Variants in LOC400499 observed in about 807,000 individuals in gnomAD.
the LOC400499 span, chr16:11,442,665 G>A: frequency 1.3e-5 from 2 of 152,310 alleles, no homozygotes; most frequent in South Asian, 2.1e-4. Context: ...ATAAACACTG[G>A]AAATCTGGGT....
chr16:11,484,806 G>A, the LOC400499 span: 2 of 398,088 alleles, frequency 5.0e-6, no homozygotes, highest in Admixed American at 4.4e-5. Context: ...CCAAGTCTCA[G>A]GTTCAAAAGT....
the LOC400499 span, among the ~76,000 whole-genome samples, chr16:11,382,749 G>T: frequency 1.3e-5 from 2 of 152,150 alleles, no homozygotes; most frequent in Non-Finnish European, 2.9e-5. Flanking sequence ...GGTGGAAGTT[G>T]CAGTGAGCCG....
the LOC400499 span, chr16:11,484,961 G>C: frequency 2.5e-6 from 1 of 399,330 alleles, no homozygotes. Context: ...CCCTGGTTCT[G>C]GCCCTGGGGG....
At chr16:11,470,269 T>C in the LOC400499 span, among the ~76,000 whole-genome samples, 1 of 152,116 alleles carries the variant, frequency 6.6e-6, no homozygotes, top group Non-Finnish European at 1.5e-5. Context: ...AGCTCTGCAC[T>C]TCCTGGCTGT....
chr16:11,409,558 A>C, the LOC400499 span, among the ~76,000 whole-genome samples: 1 of 152,246 alleles, frequency 6.6e-6, no homozygotes, highest in Non-Finnish European at 1.5e-5. Context: ...CTAGATTAAG[A>C]AAATTAAAAA....
the LOC400499 span, chr16:11,471,782 C>G: frequency 2.5e-6 from 1 of 399,044 alleles, no homozygotes; most frequent in Non-Finnish European, 4.4e-6. Flanking sequence ...GGCCAGGTCA[C>G]TCCAGTGCAC....
At chr16:11,374,374 C>G in the LOC400499 span, among the ~76,000 whole-genome samples, 2 of 152,126 alleles carry the variant, frequency 1.3e-5, no homozygotes, top group Admixed American at 6.6e-5. Context: ...TTACCATAAC[C>G]ATTTTAAAGT....
chr16:11,469,164 G>A, the LOC400499 span: 15 of 399,498 alleles, frequency 3.8e-5, no homozygotes, highest in African/African-American at 2.7e-4. Context: ...GGCCTAGGGT[G>A]TGGAGCAAAC....
At chr16:11,413,144 G>C in the LOC400499 span, among the ~76,000 whole-genome samples, 1 of 152,122 alleles carries the variant, frequency 6.6e-6, no homozygotes, top group Admixed American at 6.5e-5. Context: ...TTGCAGCTCA[G>C]GTTGGCAGTG....
At chr16:11,473,324 C>G in the LOC400499 span, 1 of 150,144 alleles carries the variant, frequency 6.7e-6, no homozygotes, top group Admixed American at 6.6e-5. Context: ...TTAAATAGAG[C>G]CCTCCCCAAC....
the LOC400499 span, chr16:11,448,158 C>T: frequency 7.0e-7 from 1 of 1,437,826 alleles, no homozygotes; most frequent in South Asian, 1.4e-5. Context: ...AGAGGTAGCC[C>T]CCCACAACCT....
At chr16:11,519,960 C>T in the LOC400499 span, among the ~76,000 whole-genome samples, 1 of 152,108 alleles carries the variant, frequency 6.6e-6, no homozygotes, top group African/African-American at 2.4e-5. Context: ...GCCTCGGCCT[C>T]CCAATGAGCT....
chr16:11,383,694 G>A, the LOC400499 span: 2 of 1,232,478 alleles, frequency 1.6e-6, no homozygotes, highest in East Asian at 6.3e-5. Flanking sequence ...ACAGGTGGAT[G>A]TAGGCGGCCG....
the LOC400499 span, chr16:11,457,154 G>A: frequency 8.1e-6 from 8 of 982,478 alleles, no homozygotes; most frequent in South Asian, 3.5e-5. Flanking sequence ...CACTCCACAC[G>A]GGCAACGGGA....
chr16:11,434,757 G>C, the LOC400499 span, among the ~76,000 whole-genome samples: 1 of 152,306 alleles, frequency 6.6e-6, no homozygotes, highest in East Asian at 1.9e-4. Flanking sequence ...CTAAGAAGCA[G>C]GTGGAGAAAC....
At chr16:11,389,776 C>A in the LOC400499 span, among the ~76,000 whole-genome samples, 1 of 151,844 alleles carries the variant, frequency 6.6e-6, no homozygotes, top group Non-Finnish European at 1.5e-5. Context: ...GACTCTCAGG[C>A]CCTCTGCAGC....
chr16:11,385,070 G>A, the LOC400499 span: 7 of 1,231,792 alleles, frequency 5.7e-6, no homozygotes, highest in South Asian at 1.2e-4. Flanking sequence ...GTAGGCCTGT[G>A]GGCCAGAGGG....
chr16:11,487,117 G>C, the LOC400499 span: 1 of 396,564 alleles, frequency 2.5e-6, no homozygotes. Flanking sequence ...ACATATCTAT[G>C]GGCAGGTGGG....
chr16:11,526,723 T>G, the LOC400499 span, among the ~76,000 whole-genome samples: 2 of 152,218 alleles, frequency 1.3e-5, no homozygotes, highest in African/African-American at 4.8e-5. Context: ...TGCATTTTTT[T>G]GTTGCTGAGA....
Sources: gnomAD v4.1 joint callset for allele counts (sites outside exome capture counted in the v4.1 genomes callset) on GRCh38, gnomAD v4.1.1 for gene constraint, MANE v1.5 for transcripts.